The following EBF1 variants were observed in gnomAD, a reference collection of about 807,000 sequenced individuals.
EBF1 encodes the protein EBF transcription factor 1, also known as transcription factor COE1.
Under a neutral mutation model 68.4 loss-of-function variants are expected in EBF1, and 10 were observed. The ratio of observed to expected loss-of-function variants is 0.15; its 90% CI spans 0.09 to 0.25. The LOEUF is 0.25. Ranked by LOEUF, EBF1 falls within the 10% of genes least tolerant of loss-of-function variation. The pLI is 1.00. For synonymous variants in EBF1, 298 were observed against 299.8 expected (o/e 0.99, Z 0.06); for missense variants, 509 against 794.4 (o/e 0.64, Z 4.32).
intron 5 of EBF1, among the ~76,000 whole-genome samples, chr5:159,080,386 C>T (rs996700258): frequency 6.6e-6 from 1 of 152,186 alleles, no homozygotes; most frequent in Admixed American, 6.5e-5. Context: ...CCAGGCCACA[C>T]CATAAGCTCC....
At chr5:158,711,099 G>A (rs181735886) in intron 14 of EBF1, among the ~76,000 whole-genome samples, 282 of 152,230 alleles carry the variant, frequency 1.9e-3, no homozygotes, top group African/African-American at 6.5e-3. Context: ...TTTTTTATGT[G>A]TATATGGTTT....
intron 6 of EBF1, among the ~76,000 whole-genome samples, chr5:158,936,250 T>C (rs1201033589): frequency 6.6e-6 from 1 of 152,140 alleles, no homozygotes; most frequent in Non-Finnish European, 1.5e-5. Context: ...CAGTTTCCCA[T>C]CTCAGCTGAT....
chr5:158,974,266 G>A (rs1756256669), intron 6 of EBF1, among the ~76,000 whole-genome samples: 1 of 152,190 alleles, frequency 6.6e-6, no homozygotes, highest in Non-Finnish European at 1.5e-5. Flanking sequence ...AAAAACTTCA[G>A]GCTTGAGGCA....
intron 7 of EBF1, among the ~76,000 whole-genome samples, chr5:158,825,157 C>T (rs540959367): frequency 3.9e-5 from 6 of 152,278 alleles, no homozygotes; most frequent in African/African-American, 1.4e-4. Flanking sequence ...TATGTGTAAA[C>T]ACAGCTTGTA....
At chr5:158,804,607 G>A (rs1292975378) in intron 8 of EBF1, among the ~76,000 whole-genome samples, 1 of 152,092 alleles carries the variant, frequency 6.6e-6, no homozygotes, top group East Asian at 1.9e-4. Flanking sequence ...CTTCTAAATT[G>A]CACTTGAAAG....
rs1477703318 is a variant in EBF1, at chr5:158,934,316, A to C, written c.555-94206T>G. On this transcript the variant is annotated intron_variant, in intron 6 of 15. Coordinates refer to ENST00000313708, the MANE Select transcript of EBF1 (RefSeq NM_024007.5). ...AGTACAGTGCACTTCATACACATAC[A>C]CATACACACATACACACTCGTACAA... Among the ~76,000 whole-genome samples, 3 of 152,222 alleles carry C rather than the reference A, an allele frequency of 2.0e-5. No individual in the cohort carries two copies. The East Asian group carries it at 5.8e-4, about 29-fold the overall frequency.
At chr5:158,932,839 C>A (rs1233657538) in intron 6 of EBF1, among the ~76,000 whole-genome samples, 1 of 152,160 alleles carries the variant, frequency 6.6e-6, no homozygotes, top group Non-Finnish European at 1.5e-5. Flanking sequence ...ATAGTTACCT[C>A]AGTTTGTATA....
chr5:158,855,721 C>G (rs1014910861), intron 6 of EBF1, among the ~76,000 whole-genome samples: 10 of 152,244 alleles, frequency 6.6e-5, no homozygotes, highest in African/African-American at 2.4e-4. Context: ...TAAATGAACG[C>G]CTGATGAATT....
intron 8 of EBF1, among the ~76,000 whole-genome samples, chr5:158,816,780 T>C (rs1338821203): frequency 6.6e-6 from 1 of 151,938 alleles, no homozygotes; most frequent in African/African-American, 2.4e-5. Flanking sequence ...AAATCAATAA[T>C]ACGAAGCCAT....
chr5:159,055,965 G>A (rs1774663201), intron 6 of EBF1, among the ~76,000 whole-genome samples: 1 of 152,212 alleles, frequency 6.6e-6, no homozygotes, highest in Non-Finnish European at 1.5e-5. Flanking sequence ...TGAGGTCAAT[G>A]AACTCAACAG....
chr5:158,733,382 G>T (rs890363488), intron 10 of EBF1, among the ~76,000 whole-genome samples: 2 of 152,162 alleles, frequency 1.3e-5, no homozygotes, highest in South Asian at 4.1e-4. Context: ...TTAGCATAAT[G>T]AATTCCTATT....
chr5:158,761,112 G>C (rs967987644), intron 10 of EBF1, among the ~76,000 whole-genome samples: 1 of 152,170 alleles, frequency 6.6e-6, no homozygotes, highest in Non-Finnish European at 1.5e-5. Flanking sequence ...AGGCAGGATT[G>C]ATCAGCACTT....
intron 6 of EBF1, among the ~76,000 whole-genome samples, chr5:158,958,822 TC>T (rs1817634685): frequency 6.6e-6 from 1 of 152,002 alleles, no homozygotes; most frequent in African/African-American, 2.4e-5. Flanking sequence ...TAACAACACT[TC>T]CCACGTTCAA....
chr5:158,931,677 A>T (rs1810921651), intron 6 of EBF1, among the ~76,000 whole-genome samples: 1 of 152,232 alleles, frequency 6.6e-6, no homozygotes, highest in Non-Finnish European at 1.5e-5. Context: ...ATAGGAAAGA[A>T]ATTAGAAATG....
At chr5:159,056,969 CA>C (rs1490818397) in intron 6 of EBF1, among the ~76,000 whole-genome samples, 1 of 152,096 alleles carries the variant, frequency 6.6e-6, no homozygotes, top group Non-Finnish European at 1.5e-5. Flanking sequence ...TGTTATATGA[CA>C]TAGTATGAAC....
chr5:158,962,849 A>G (rs1420119985), intron 6 of EBF1, among the ~76,000 whole-genome samples: 1 of 152,158 alleles, frequency 6.6e-6, no homozygotes, highest in Non-Finnish European at 1.5e-5. Flanking sequence ...TAAGTTTCAT[A>G]CTGACTCAAA....
intron 6 of EBF1, among the ~76,000 whole-genome samples, chr5:158,960,118 C>T (rs941216085): frequency 3.9e-5 from 6 of 152,158 alleles, no homozygotes; most frequent in Admixed American, 3.9e-4. Flanking sequence ...GGAGGGGACA[C>T]TTAGAGCAGC....
intron 6 of EBF1, among the ~76,000 whole-genome samples, chr5:159,033,668 T>C (rs2127752376): frequency 6.6e-6 from 1 of 152,332 alleles, no homozygotes. Context: ...CTGCTCAGAG[T>C]AACAGAAATG....
intron 6 of EBF1, among the ~76,000 whole-genome samples, chr5:158,849,646 G>C (rs1792224128): frequency 6.6e-6 from 1 of 152,190 alleles, no homozygotes; most frequent in Non-Finnish European, 1.5e-5. Context: ...TCCTTGCACA[G>C]CTGTACATGC....
Sources: gnomAD v4.1 joint callset for allele counts (sites outside exome capture counted in the v4.1 genomes callset) on GRCh38, gnomAD v4.1.1 for gene constraint, MANE v1.5 for transcripts, NCBI Gene and HGNC (gene_info 2026-07-23, HGNC 2026-07-21) for gene names.